The following TMPRSS4 variants were observed in gnomAD, a reference collection of about 807,000 sequenced individuals.
The protein encoded by TMPRSS4 is transmembrane protease serine 4.
In TMPRSS4, 45 loss-of-function variants were observed where a neutral mutation model predicts 56.4. The observed-to-expected ratio is 0.80, with a 90% CI of 0.63 to 1.02. TMPRSS4 has a LOEUF of 1.02. TMPRSS4 is among the 50% of genes least tolerant of loss of function. The pLI is 0.00. For missense variants in TMPRSS4, 546 were observed against 556.7 expected (o/e 0.98, Z 0.19); for synonymous variants, 205 against 211.0 (o/e 0.97, Z 0.25).
At position 118,113,371 on chromosome 11, in the gene TMPRSS4, C is replaced by T. The variant is rs181828820; in HGVS notation, c.846C>T (p.Asn282=). The part of the protein sequence containing the change: ...AVAKIIIIEF[N]PMYPKDNDIA... ...CCAAGATCATCATCATTGAATTCAA[C>T]CCCATGTACCCCAAAGACAATGACA... Residue 282 remains asparagine (N), a synonymous_variant, in exon 9 of 13, where the codon AAC becomes AAT. Transcript: ENST00000437212. 8.1e-6 allele frequency: 13 copies of T among 1,614,184 alleles called. No homozygotes were observed. The highest frequency in any genetic ancestry group is 1.1e-5 in the Non-Finnish European group (13 of 1,180,036).
In TMPRSS4 at chr11:118,118,218, C is replaced by G. The variant is rs1565444263; in HGVS notation, c.*305C>G. 2 of 1,311,776 alleles carry G rather than the reference C, an allele frequency of 1.5e-6. No individual in the cohort carries two copies. Among genetic ancestry groups the G allele is most frequent in the Non-Finnish European group, 1.9e-6 (2 of 1,030,538 alleles). The allele number at this position is 1,311,776 out of a possible 1,614,324, so 81.3% of individuals were successfully genotyped here. On this transcript the variant is annotated 3_prime_UTR_variant, in exon 13 of 13. Transcript: ENST00000437212. ...TAAGCCAAGAAGGAACTTTCCCACA[C>G]TACTGAATGGAAGCAGGCTGTCTTG...
intron 6 of TMPRSS4, 76 bp downstream of exon 6, chr11:118,107,951 C>A (rs1173738943): frequency 4.8e-6 from 6 of 1,246,054 alleles, no homozygotes; most frequent in African/African-American, 4.5e-5. Flanking sequence ...ACCAGCTCAC[C>A]TGGAACCCCA....
chr11:118,086,228 A>G (rs4938478), intron 1 of TMPRSS4, among the ~76,000 whole-genome samples: 55,844 of 152,182 alleles, frequency 0.37, 10,532 homozygotes, highest in South Asian at 0.52. Flanking sequence ...GCCCGAACAC[A>G]AAAGCTGATT....
chr11:118,097,318 A>G (rs796931252), intron 2 of TMPRSS4, among the ~76,000 whole-genome samples: 50 of 152,306 alleles, frequency 3.3e-4, no homozygotes, highest in African/African-American at 1.2e-3. Context: ...TGGAAGAAAA[A>G]AAAAGCAAGA....
At chr11:118,087,051 C>T (rs1945615038) in intron 1 of TMPRSS4, among the ~76,000 whole-genome samples, 1 of 152,098 alleles carries the variant, frequency 6.6e-6, no homozygotes, top group Admixed American at 6.5e-5. Context: ...AACCTAACTG[C>T]CACCTGCCCA....
At chr11:118,106,182 G>C (rs1384947312) in intron 5 of TMPRSS4, 1 of 152,106 alleles carries the variant, frequency 6.6e-6, no homozygotes, top group Non-Finnish European at 1.5e-5. Flanking sequence ...ATGAAACCTG[G>C]GTGTCTCCAG....
rs372355553 is a variant in TMPRSS4, at chr11:118,092,430, G to A, written c.4-2386G>A. 1.6e-4 allele frequency among the ~76,000 whole-genome samples: 24 copies of A among 152,360 alleles called. No individual in the cohort carries two copies. In the South Asian group the frequency reaches 5.0e-3, roughly 32 times the overall value. Reference sequence around the variant, plus strand: ...GTCAGGGATGAAATCATATAGAGTTGGAGCTGTCTTCTTGCGCTCAGTCAG... The same window carrying A: ...GTCAGGGATGAAATCATATAGAGTTAGAGCTGTCTTCTTGCGCTCAGTCAG... On this transcript the variant is annotated intron_variant, in intron 1 of 12. Transcript: ENST00000437212.
At chr11:118,107,054 G>C (rs1164760469) in intron 5 of TMPRSS4, 1 of 152,166 alleles carries the variant, frequency 6.6e-6, no homozygotes, top group African/African-American at 2.4e-5. Context: ...TACTAGCATA[G>C]TTAGGGATGG....
chr11:118,110,653 ATGAGCTG>A (rs1412374225), intron 7 of TMPRSS4, among the ~76,000 whole-genome samples: 11 of 152,200 alleles, frequency 7.2e-5, no homozygotes, highest in African/African-American at 2.7e-4. Context: ...GATTACAGGC[ATGAGCTG>A]CCTCACCCAG....
At chr11:118,092,657 C>T (rs1422212210) in intron 1 of TMPRSS4, among the ~76,000 whole-genome samples, 3 of 152,190 alleles carry the variant, frequency 2.0e-5, no homozygotes, top group African/African-American at 4.8e-5. Context: ...AGTCTAGTCC[C>T]CAGACAAGAA....
At chr11:118,082,968 C>CTCT (rs1207553747) in intron 1 of TMPRSS4, among the ~76,000 whole-genome samples, 1 of 152,172 alleles carries the variant, frequency 6.6e-6, no homozygotes, top group African/African-American at 2.4e-5. Context: ...GCAGAATCCT[C>CTCT]GTATGGGACA....
intron 3 of TMPRSS4, among the ~76,000 whole-genome samples, chr11:118,099,392 T>C (rs1049620537): frequency 4.2e-5 from 6 of 143,970 alleles, no homozygotes; most frequent in African/African-American, 7.8e-5. Flanking sequence ...GAAAAAATCA[T>C]TGGTATAATA....
rs1947066799 is a variant in TMPRSS4, at chr11:118,107,778, C to T, written c.445C>T (p.Pro149Ser). Residue 149 changes from proline to serine, a missense_variant, in exon 6 of 13, where the codon CCC becomes TCC. By Grantham distance (74) the Pro-to-Ser change is moderately conservative. Transcript: ENST00000437212. ...ACRQMGYSSK[P>S]TFRAVEIGPD... is the part of the protein sequence containing the mutation. ...TCTCCCTCTTGATGTGAGCAGCAAA[C>T]CCACTTTCAGAGCTGTGGAGATTGG... The T allele has an allele frequency of 1.9e-6, 3 of 1,614,036 alleles. No homozygotes were observed. Among genetic ancestry groups the T allele is most frequent in the East Asian group, 2.2e-5 (1 of 44,888 alleles).
rs1182377181 is a variant in TMPRSS4 at position 118,077,284 on chromosome 11, G to C, written c.-19G>C. On this transcript the variant is annotated 5_prime_UTR_variant, in exon 1 of 13. Transcript: ENST00000437212. ...TCAGCTCCAGGCTACAGGGAGACCG[G>C]GAGGATCACAGAGCCAGCATGGTGA... is the stretch of plus-strand genomic sequence containing the variant. The C allele has an allele frequency of 2.5e-6, 4 of 1,601,176 alleles. No homozygotes were observed. The African/African-American group carries it at 5.4e-5, about 21-fold the overall frequency.
chr11:118,098,937 C>T (rs1321378073), intron 2 of TMPRSS4, 48 bp from the exon 3 acceptor site: 1 of 1,479,690 alleles, frequency 6.8e-7, no homozygotes, highest in African/African-American at 1.4e-5. Context: ...CAGGGATCAC[C>T]AAGTGCTGAC....
intron 2 of TMPRSS4, 26 bp from the exon 3 acceptor site, chr11:118,098,959 C>CCCCT: frequency 6.3e-7 from 1 of 1,581,774 alleles, no homozygotes; most frequent in South Asian, 1.1e-5. Context: ...GCATGCTCTT[C>CCCCT]CCCTCTGCCT....
At chr11:118,088,478 C>G (rs1945735157) in intron 1 of TMPRSS4, among the ~76,000 whole-genome samples, 1 of 152,212 alleles carries the variant, frequency 6.6e-6, no homozygotes, top group South Asian at 2.1e-4. Flanking sequence ...TGATTGAACA[C>G]CCACCCACTT....
rs1947769225 is a variant in TMPRSS4, at chr11:118,120,867, C to T, written c.*2954C>T. On this transcript the variant is annotated 3_prime_UTR_variant, in exon 13 of 13. Coordinates refer to ENST00000437212, the MANE Select transcript of TMPRSS4 (RefSeq NM_019894.4). The stretch of plus-strand genomic sequence containing the variant: ...TGATAAAAGGTGTGAATCCACAGAA[C>T]ATACACCACCATAGTGTACACGCAT... The T allele has an allele frequency of 6.6e-6, 1 of 152,194 alleles. No homozygotes were observed. Among genetic ancestry groups the T allele is most frequent in the South Asian group, 2.1e-4 (1 of 4,828 alleles). The allele number at this position is 152,194 out of a possible 1,614,324, so 9.4% of individuals were successfully genotyped here.
chr11:118,102,766 G>T (rs1295178526), intron 3 of TMPRSS4, among the ~76,000 whole-genome samples: 2 of 152,174 alleles, frequency 1.3e-5, no homozygotes, highest in Admixed American at 1.3e-4. Flanking sequence ...CTCAGAACTG[G>T]GTCTTCAGAC....
Sources: allele counts gnomAD v4.1 joint callset (sites outside exome capture counted in the v4.1 genomes callset), GRCh38; gene constraint gnomAD v4.1.1; transcripts MANE v1.5; gene names NCBI Gene and HGNC (gene_info 2026-07-23, HGNC 2026-07-21).